The following SHKBP1 variants were observed in gnomAD, a reference collection of about 807,000 sequenced individuals.
SHKBP1 encodes SH3KBP1-binding protein 1.
Under a neutral mutation model 83.9 loss-of-function variants are expected in SHKBP1, and 71 were observed. That is an observed-to-expected ratio of 0.85 (90% CI 0.70 to 1.03). The LOEUF (loss-of-function observed/expected upper bound fraction) is 1.03, where lower values mean the gene tolerates loss of function less well. Among genes scored for constraint, SHKBP1 ranks in the 50% least tolerant of loss-of-function variants. The probability of loss-of-function intolerance (pLI) is 0.00; values close to 1 mark genes in which losing one functional copy is unlikely to be tolerated. For missense variants in SHKBP1, 824 were observed against 982.4 expected (o/e 0.84, Z 2.16); for synonymous variants, 371 against 398.0 (o/e 0.93, Z 0.81).
intron 12 of SHKBP1, 39 bp downstream of exon 12, chr19:40,583,756 C>T (rs778854864): frequency 2.1e-6 from 3 of 1,428,922 alleles, no homozygotes; most frequent in Non-Finnish European, 3.0e-6. Context: ...CTGTCACCTG[C>T]CAGCCCCAGC....
chr19:40,583,837 A>G, intron 12 of SHKBP1, 120 bp downstream of exon 12: 1 of 726,484 alleles, frequency 1.4e-6, no homozygotes, highest in East Asian at 2.6e-5. Context: ...GGCAGATTCA[A>G]CTCTCTCTCA....
chr19:40,578,003 C>T, intron 4 of SHKBP1, 151 bp from the exon 5 acceptor site: 2 of 702,254 alleles, frequency 2.8e-6, no homozygotes, highest in Non-Finnish European at 5.2e-6. Flanking sequence ...TCAACATTTC[C>T]TCCACCCATA....
chr19:40,578,750 A>G (rs1241984949), intron 6 of SHKBP1, among the ~76,000 whole-genome samples: 2 of 152,162 alleles, frequency 1.3e-5, no homozygotes, highest in African/African-American at 4.8e-5. Context: ...CTTGAGGCTC[A>G]GAAGGATGTC....
intron 4 of SHKBP1, chr19:40,577,951 A>ACACG: frequency 2.8e-5 from 3 of 105,944 alleles, no homozygotes. Flanking sequence ...TTCTCCCTAC[A>ACACG]CACACACACA....
Position 40,582,376 on chromosome 19 carries a change from G to A in SHKBP1, c.870G>A (p.Val290=). 6.2e-7 allele frequency: 1 copy of A among 1,614,180 alleles called. No individual in the cohort carries two copies. Among genetic ancestry groups the A allele is most frequent in the Non-Finnish European group, 8.5e-7 (1 of 1,180,034 alleles). The stretch of plus-strand genomic sequence containing the variant: ...GGGTCTTTCATCTGGGGGTGCCTGT[G>A]GAGGCCTTGTTCTTCGTCGGGAACC... ...EIGVFHLGVP[V]EALFFVGNQL... is the part of the protein sequence containing the mutation. Residue 290 remains valine, a synonymous_variant, in exon 10 of 18, where the codon GTG becomes GTA. Coordinates refer to ENST00000291842, the MANE Select transcript of SHKBP1 (RefSeq NM_138392.4).
In SHKBP1 at chr19:40,583,507, G is replaced by C. The variant is rs202041694; in HGVS notation, c.1048+22G>C. Reference sequence around the variant, plus strand: ...GTGGGTGAGCAGCAGCCTGTGTCCCGGGTGCCCGAGACCCTCCCCTGGGAG... The same window carrying C: ...GTGGGTGAGCAGCAGCCTGTGTCCCCGGTGCCCGAGACCCTCCCCTGGGAG... On this transcript the variant is annotated intron_variant, in intron 11 of 17. Coordinates refer to ENST00000291842, the MANE Select transcript of SHKBP1 (RefSeq NM_138392.4). 5 of 1,612,766 alleles carry C rather than the reference G, an allele frequency of 3.1e-6. 1 individual carries two copies. In the South Asian group the frequency reaches 5.5e-5, roughly 18 times the overall value.
intron 12 of SHKBP1, 24 bp from the exon 13 acceptor site, chr19:40,586,750 T>TC (rs751826481): frequency 6.5e-7 from 1 of 1,535,646 alleles, no homozygotes; most frequent in Non-Finnish European, 8.8e-7. Flanking sequence ...CCAGGCCCTC[T>TC]CCTCATCCTT....
At chr19:40,586,646 G>T in intron 12 of SHKBP1, 128 bp from the exon 13 acceptor site, 1 of 947,384 alleles carries the variant, frequency 1.1e-6, no homozygotes. Flanking sequence ...GGATTACGGC[G>T]TGAGCCACCG....
chr19:40,580,137 C>T, intron 6 of SHKBP1, 187 bp from the exon 7 acceptor site: 1 of 618,536 alleles, frequency 1.6e-6, no homozygotes, highest in Non-Finnish European at 2.7e-6. Flanking sequence ...CTCAAGGGAA[C>T]TGAAAGGGAA....
rs1453868345 is a variant in SHKBP1, at chr19:40,590,609, A to C, written c.1769-121A>C. On this transcript the variant is annotated intron_variant, in intron 16 of 17. Transcript: ENST00000291842. This position sits in a 1 kb window ranked among gnomAD's most constrained non-coding sequence, Gnocchi z 4.6. Reference sequence around the variant, plus strand: ...ACCCCTGTCTCAGCCTCTGGCCCCCATGCATTGATCTCTGCTTCCTCTCTC... The same window carrying C: ...ACCCCTGTCTCAGCCTCTGGCCCCCCTGCATTGATCTCTGCTTCCTCTCTC... The C allele has an allele frequency of 4.0e-5, 54 of 1,341,118 alleles. No homozygotes were observed. Among genetic ancestry groups the C allele is most frequent in the Non-Finnish European group, 5.0e-5 (49 of 988,472 alleles). 83.1% of individuals were successfully genotyped at this position (1,341,118 alleles called of 1,614,324 possible). A position where few individuals can be genotyped will look rare whatever the true frequency, so the allele number is the denominator to read the frequency against.
At chr19:40,589,021 A>G in intron 14 of SHKBP1, 61 bp from the exon 15 acceptor site, 7 of 1,540,412 alleles carry the variant, frequency 4.5e-6, no homozygotes, top group Non-Finnish European at 5.3e-6. Context: ...ATCAGTGGGG[A>G]AGGAAGTCTG....
intron 14 of SHKBP1, 118 bp from the exon 15 acceptor site, chr19:40,588,964 C>G: frequency 7.7e-7 from 1 of 1,300,906 alleles, no homozygotes; most frequent in Non-Finnish European, 1.1e-6. Flanking sequence ...CCCTGCCCAA[C>G]TCTAACAACC....
intron 12 of SHKBP1, 90 bp from the exon 13 acceptor site, chr19:40,586,684 G>A: frequency 1.6e-6 from 2 of 1,270,840 alleles, no homozygotes; most frequent in South Asian, 4.0e-5. Flanking sequence ...CTTTCTGACT[G>A]TGTCTCTGTT....
At chr19:40,585,167 CAT>C (rs1325162771) in intron 12 of SHKBP1, among the ~76,000 whole-genome samples, 34 of 152,180 alleles carry the variant, frequency 2.2e-4, no homozygotes, top group Admixed American at 1.6e-3. Flanking sequence ...AGTGCAGTGG[CAT>C]GATGTGAGTT....
In SHKBP1 at chr19:40,591,228, C is replaced by T. The variant is rs879011672; in HGVS notation, c.*21C>T. 6 of 1,549,372 alleles carry T rather than the reference C, an allele frequency of 3.9e-6. No homozygotes were observed. In the South Asian group the frequency reaches 6.1e-5, roughly 16 times the overall value. On this transcript the variant is annotated 3_prime_UTR_variant, in exon 18 of 18. Transcript: ENST00000291842. ...TTTGAACAACGCAGCTGCCATGATG[C>T]CTTGGGATGCCCTGGTCCTGGGGGA...
rs201026449 is a variant in SHKBP1, at chr19:40,591,222, A to C, written c.*15A>C. The C allele has an allele frequency of 2.1e-5, 33 of 1,559,158 alleles. No homozygotes were observed. The East Asian group carries it at 7.6e-4, about 36-fold the overall frequency. On this transcript the variant is annotated 3_prime_UTR_variant, in exon 18 of 18. Coordinates refer to ENST00000291842, the MANE Select transcript of SHKBP1 (RefSeq NM_138392.4). ...CTTCCTTTTGAACAACGCAGCTGCC[A>C]TGATGCCTTGGGATGCCCTGGTCCT...
chr19:40,577,375 C>G, intron 2 of SHKBP1, 21 bp from the exon 3 acceptor site: 1 of 1,614,062 alleles, frequency 6.2e-7, no homozygotes, highest in East Asian at 2.2e-5. Flanking sequence ...GTGACGCCTG[C>G]TCGGTGTCCC....
chr19:40,587,758 G>A (rs900114862), intron 13 of SHKBP1, among the ~76,000 whole-genome samples: 2 of 152,094 alleles, frequency 1.3e-5, no homozygotes, highest in African/African-American at 4.8e-5. Context: ...TAAAAAATTA[G>A]CCAAGTATGG....
At chr19:40,585,845 C>T (rs1380730052) in intron 12 of SHKBP1, 1 of 152,184 alleles carries the variant, frequency 6.6e-6, no homozygotes, top group East Asian at 1.9e-4. Context: ...CGGCCTCTTT[C>T]TTATTTCACT....
Sources: allele counts gnomAD v4.1 joint callset (sites outside exome capture counted in the v4.1 genomes callset), GRCh38; gene constraint gnomAD v4.1.1; non-coding constraint Gnocchi (gnomAD v3.1); transcripts MANE v1.5; gene names NCBI Gene and HGNC (gene_info 2026-07-23, HGNC 2026-07-21).